Variants in ZFP90 observed in about 807,000 individuals in gnomAD.
The protein encoded by ZFP90 is zinc finger protein 90 homolog.
Under a neutral mutation model 60.8 loss-of-function variants are expected in ZFP90, and 38 were observed. That is an observed-to-expected ratio of 0.62 (90% CI 0.48 to 0.82). The LOEUF is 0.82. ZFP90 is among the 40% of genes least tolerant of loss of function. The pLI is 0.00. For missense variants in ZFP90, 711 were observed against 759.1 expected (o/e 0.94, Z 0.74); for synonymous variants, 287 against 264.8 (o/e 1.08, Z -0.82).
chr16:68,534,314 T>C (rs1311917300), upstream of ZFP90, among the ~76,000 whole-genome samples: 1 of 149,860 alleles, frequency 6.7e-6, no homozygotes, highest in East Asian at 2.0e-4. Context: ...CTGCAGCCTC[T>C]GCCTCCTGGG....
intron 2 of ZFP90, among the ~76,000 whole-genome samples, chr16:68,542,546 C>A (rs2091070767): frequency 6.6e-6 from 1 of 151,936 alleles, no homozygotes; most frequent in Non-Finnish European, 1.5e-5. Context: ...AACCGAGATC[C>A]TGCCACTGCA....
intron 3 of ZFP90, 133 bp downstream of exon 3, chr16:68,558,257 G>A (rs1436208669): frequency 1.3e-5 from 19 of 1,408,740 alleles, no homozygotes; most frequent in African/African-American, 1.4e-5. Context: ...ATCTCATTGG[G>A]ACCCAGTTTT....
At chr16:68,558,410 C>T in intron 3 of ZFP90, 63 bp from the exon 4 acceptor site, 2 of 1,486,000 alleles carry the variant, frequency 1.3e-6, no homozygotes, top group Non-Finnish European at 1.9e-6. Flanking sequence ...CTGACTTGTC[C>T]TTAGGAGGGT....
chr16:68,567,821 T>A (rs567456227), downstream of ZFP90, among the ~76,000 whole-genome samples: 4 of 152,354 alleles, frequency 2.6e-5, no homozygotes, highest in African/African-American at 9.6e-5. Flanking sequence ...CCAGAGCATC[T>A]AGCGCACCTC....
chr16:68,557,962 G>A (rs776420924), intron 2 of ZFP90, 36 bp from the exon 3 acceptor site: 1 of 1,612,362 alleles, frequency 6.2e-7, no homozygotes, highest in South Asian at 1.1e-5. Flanking sequence ...CATTTGTGGG[G>A]TTGATCCCCA....
chr16:68,575,978 T>G (rs916814512), exon 3 of ZFP90: 6 of 393,046 alleles, frequency 1.5e-5, no homozygotes, highest in Non-Finnish European at 2.7e-5. Context: ...TTCACAACTC[T>G]GGAACATTTA....
chr16:68,558,692 G>A (rs1353991851), intron 4 of ZFP90, 124 bp downstream of exon 4: 6 of 780,646 alleles, frequency 7.7e-6, no homozygotes, highest in Admixed American at 4.6e-5. Context: ...TGAAGCCATC[G>A]CCTGGCCGAC....
chr16:68,569,587 A>T (rs548170174), downstream of ZFP90, among the ~76,000 whole-genome samples: 1 of 152,190 alleles, frequency 6.6e-6, no homozygotes, highest in African/African-American at 2.4e-5. Flanking sequence ...CTTATTTCCT[A>T]GTTAACTGAG....
downstream of ZFP90, among the ~76,000 whole-genome samples, chr16:68,568,459 G>T (rs1268045385): frequency 6.6e-6 from 1 of 152,164 alleles, no homozygotes; most frequent in Non-Finnish European, 1.5e-5. Context: ...GGGTAACTTG[G>T]TATAATTATT....
chr16:68,565,225 G>T lies in ZFP90; in HGVS notation c.*527G>T, dbSNP rs1230293274. On this transcript the variant is annotated 3_prime_UTR_variant, in exon 5 of 5. Coordinates refer to ENST00000563169, the MANE Select transcript of ZFP90 (RefSeq NM_001305203.2). ...AGACTGAAAGCCAAAGATGTGAAGT[G>T]GTTTCCACAGTATGATACAGCCTAT... 1.0e-6 allele frequency: 1 copy of T among 986,436 alleles called. No homozygotes were observed. The highest frequency in any genetic ancestry group is 1.1e-4 in the East Asian group (1 of 8,978). The allele number at this position is 986,436 out of a possible 1,614,324, so 61.1% of individuals were successfully genotyped here.
rs1471077118 is a variant in ZFP90 at position 68,566,855 on chromosome 16, AC to A, written c.*2158del. On this transcript the variant is annotated 3_prime_UTR_variant, in exon 5 of 5. Transcript: ENST00000563169. ...CCAACTGAGTGCTGCCCCCACTGTTACGGAAGTTTATAAAACCTTAGTTCCA... is the reference window on the plus strand; with the variant it reads ...CCAACTGAGTGCTGCCCCCACTGTTAGGAAGTTTATAAAACCTTAGTTCCA... 57 of 985,484 alleles carry A rather than the reference AC, an allele frequency of 5.8e-5. No homozygotes were observed. The highest frequency in any genetic ancestry group is 5.2e-4 in the Middle Eastern group (1 of 1,936). 61.0% of individuals were successfully genotyped at this position (985,484 alleles called of 1,614,324 possible). A position where few individuals can be genotyped will look rare whatever the true frequency, so the allele number is the denominator to read the frequency against.
rs1670474887 is a variant in ZFP90, at chr16:68,562,790, A to G, written c.257-254A>G. 29 of 729,628 alleles carry G rather than the reference A, an allele frequency of 4.0e-5. No homozygotes were observed. The South Asian group carries it at 4.4e-4, about 11-fold the overall frequency. 45.2% of individuals were successfully genotyped at this position (729,628 alleles called of 1,614,324 possible). A position where few individuals can be genotyped will look rare whatever the true frequency, so the allele number is the denominator to read the frequency against. ...GTGCCTAACACAGTCCTGCTCACTT[A>G]TTTCCTTATTTTCTAACCAACCCTC... On this transcript the variant is annotated intron_variant, in intron 4 of 4. Coordinates refer to ENST00000563169, the MANE Select transcript of ZFP90 (RefSeq NM_001305203.2).
At chr16:68,571,889 G>C (rs942577541), downstream of ZFP90, among the ~76,000 whole-genome samples, 2 of 152,210 alleles carry the variant, frequency 1.3e-5, no homozygotes, top group African/African-American at 4.8e-5. Flanking sequence ...TAAAAAGGGA[G>C]GGCAGAGGAG....
chr16:68,559,145 G>GT (rs1373411374), intron 4 of ZFP90, among the ~76,000 whole-genome samples: 1 of 152,120 alleles, frequency 6.6e-6, no homozygotes, highest in Non-Finnish European at 1.5e-5. Flanking sequence ...TTCTGCCTAA[G>GT]TGACCCTGCC....
chr16:68,535,093 G>T (rs991808584), upstream of ZFP90, among the ~76,000 whole-genome samples: 2 of 152,088 alleles, frequency 1.3e-5, no homozygotes, highest in Admixed American at 6.5e-5. Context: ...TATTTCTTGG[G>T]ATTATATCTG....
intron 4 of ZFP90, among the ~76,000 whole-genome samples, chr16:68,560,244 C>T (rs1217251610): frequency 6.6e-6 from 1 of 152,174 alleles, no homozygotes; most frequent in Non-Finnish European, 1.5e-5. Flanking sequence ...ACATTTTCCT[C>T]ACACCAGCAA....
chr16:68,557,599 G>T (rs1369597119), intron 2 of ZFP90, among the ~76,000 whole-genome samples: 1 of 151,840 alleles, frequency 6.6e-6, no homozygotes, highest in Non-Finnish European at 1.5e-5. Context: ...AAACTATTAA[G>T]AGTGGTTATT....
chr16:68,575,165 T>C (rs1180242562), intron 2 of ZFP90, among the ~76,000 whole-genome samples: 2 of 152,208 alleles, frequency 1.3e-5, no homozygotes, highest in Non-Finnish European at 2.9e-5. Flanking sequence ...TGGGCCTCCC[T>C]TGGCCCTGGG....
At chr16:68,550,299 G>A (rs1001942804) in intron 2 of ZFP90, among the ~76,000 whole-genome samples, 11 of 151,920 alleles carry the variant, frequency 7.2e-5, no homozygotes, top group Non-Finnish European at 1.2e-4. Flanking sequence ...TCACTCTGTC[G>A]CCCAGGCTGG....
Sources: gnomAD v4.1 joint callset for allele counts (sites outside exome capture counted in the v4.1 genomes callset) on GRCh38, gnomAD v4.1.1 for gene constraint, MANE v1.5 for transcripts, NCBI Gene and HGNC (gene_info 2026-07-23, HGNC 2026-07-21) for gene names.